Variants in PKP1 observed in about 807,000 individuals in gnomAD.
PKP1 encodes plakophilin-1.
PKP1 carries 27 observed loss-of-function variants against 76.4 expected under a neutral mutation model. The ratio of observed to expected loss-of-function variants is 0.35; its 90% confidence interval spans 0.26 to 0.49. PKP1 has a LOEUF of 0.49. PKP1 is among the 20% of genes least tolerant of loss of function. The pLI is 0.99. For synonymous variants in PKP1, 404 were observed against 384.2 expected (o/e 1.05, Z -0.60); for missense variants, 964 against 955.2 (o/e 1.01, Z -0.12).
chr1:201,325,239 AG>A, intron 11 of PKP1, 112 bp downstream of exon 11: 1 of 1,078,030 alleles, frequency 9.3e-7, no homozygotes, highest in Non-Finnish European at 1.4e-6. Flanking sequence ...CACCAAGGGC[AG>A]GGGGAGCCAG....
intron 2 of PKP1, among the ~76,000 whole-genome samples, chr1:201,308,674 T>C (rs1407707771): frequency 1.3e-5 from 2 of 150,824 alleles, no homozygotes; most frequent in African/African-American, 2.4e-5. Flanking sequence ...GTGGCTGAGG[T>C]CATGGGGCAG....
chr1:201,295,660 G>C (rs1656050120), intron 2 of PKP1, among the ~76,000 whole-genome samples: 1 of 152,188 alleles, frequency 6.6e-6, no homozygotes, highest in Non-Finnish European at 1.5e-5. Flanking sequence ...TTAGGTTCTA[G>C]TCCTAGTTCT....
At chr1:201,294,982 C>T (rs879581490) in intron 2 of PKP1, among the ~76,000 whole-genome samples, 4 of 152,124 alleles carry the variant, frequency 2.6e-5, no homozygotes, top group African/African-American at 4.8e-5. Flanking sequence ...CATTTACTTT[C>T]GCTGATGCAA....
intron 2 of PKP1, among the ~76,000 whole-genome samples, chr1:201,306,785 C>T (rs1656379127): frequency 6.6e-6 from 1 of 152,276 alleles, no homozygotes; most frequent in African/African-American, 2.4e-5. Context: ...TGCCATTCTC[C>T]TGCCTCAGCC....
In PKP1 at chr1:201,332,427, C is replaced by T. The variant is rs1657355275; in HGVS notation, c.*2386C>T. The T allele has an allele frequency of 1.3e-5, 2 of 152,316 alleles. No individual in the cohort carries two copies. The highest frequency in any genetic ancestry group is 6.5e-5 in the Admixed American group (1 of 15,290). 9.4% of individuals were successfully genotyped at this position (152,316 alleles called of 1,614,324 possible). On this transcript the variant is annotated 3_prime_UTR_variant, in exon 14 of 14. Transcript: ENST00000367324. The stretch of plus-strand genomic sequence containing the variant: ...CCGGGCCTCTGACCCAGGCCTGTCA[C>T]TTTGAGAGGGGCAAAACTGAGAGGG...
intron 2 of PKP1, among the ~76,000 whole-genome samples, chr1:201,308,875 G>C (rs1656446235): frequency 6.6e-6 from 1 of 152,188 alleles, no homozygotes; most frequent in African/African-American, 2.4e-5. Context: ...GGCTGGGCAG[G>C]GGCCAGTGGG....
Position 201,324,422 on chromosome 1 carries a change from T to C in PKP1, c.1681-6T>C. ...GCTAGCTCATCATCTACTCCTTCTC[T>C]CTTAGATGTCCAGTGGCATGAGCCA... On this transcript the variant is annotated splice_polypyrimidine_tract_variant and splice_region_variant and intron_variant, in intron 9 of 13. Coordinates refer to ENST00000367324, the MANE Select transcript of PKP1 (RefSeq NM_001005337.3). 1.2e-6 allele frequency: 2 copies of C among 1,614,038 alleles called. No individual in the cohort carries two copies. Among genetic ancestry groups the C allele is most frequent in the African/African-American group, 2.7e-5 (2 of 75,042 alleles).
In PKP1 at chr1:201,316,561, G is replaced by A. The variant is rs1313335960; in HGVS notation, c.710G>A (p.Ser237Asn). ...CTGCCTATTCTTCACAGGATCTGCA[G>A]TGAGGACATCGAGTGCAGTGGGCTG... ...GHSRASSKIC[S>N]EDIECSGLTI... The change falls in exon 4 of 14, where the codon AGT (serine) becomes AAT (asparagine). Residue 237 changes from serine (S) to asparagine (N), a missense_variant. Ser to Asn is a conservative substitution (Grantham distance 46). Coordinates refer to ENST00000367324, the MANE Select transcript of PKP1 (RefSeq NM_001005337.3). The A allele has an allele frequency of 3.7e-6, 6 of 1,607,754 alleles. No individual in the cohort carries two copies. Among genetic ancestry groups the A allele is most frequent in the Non-Finnish European group, 5.1e-6 (6 of 1,177,022 alleles).
intron 1 of PKP1, among the ~76,000 whole-genome samples, chr1:201,292,063 G>A (rs188337879): frequency 4.6e-5 from 7 of 152,340 alleles, no homozygotes; most frequent in African/African-American, 1.4e-4. Flanking sequence ...GCTCATAGGC[G>A]GATGGCCCTT....
At chr1:201,310,319 A>G (rs1656508996) in intron 2 of PKP1, among the ~76,000 whole-genome samples, 1 of 152,252 alleles carries the variant, frequency 6.6e-6, no homozygotes, top group African/African-American at 2.4e-5. Flanking sequence ...TACTAGTTTT[A>G]CAGATGGAAA....
intron 8 of PKP1, 94 bp downstream of exon 8, chr1:201,322,227 G>A: frequency 7.1e-7 from 1 of 1,412,710 alleles, no homozygotes; most frequent in East Asian, 2.3e-5. Flanking sequence ...CCCTCCTGGA[G>A]CCTGAAGCCA....
intron 8 of PKP1, among the ~76,000 whole-genome samples, chr1:201,322,705 A>G (rs1656984670): frequency 6.6e-6 from 1 of 152,162 alleles, no homozygotes; most frequent in Admixed American, 6.5e-5. Context: ...AGCCCCACAT[A>G]TCTGGAAGGT....
At chr1:201,330,023 G>A (rs1289793784) in intron 13 of PKP1, 51 bp from the exon 14 acceptor site, 1 of 152,210 alleles carries the variant, frequency 6.6e-6, no homozygotes, top group Non-Finnish European at 1.5e-5. Flanking sequence ...GGCTTGTGGT[G>A]TGGAAACATC....
At chr1:201,327,312 G>A (rs1328655860) in intron 12 of PKP1, among the ~76,000 whole-genome samples, 1 of 152,170 alleles carries the variant, frequency 6.6e-6, no homozygotes, top group African/African-American at 2.4e-5. Context: ...GAGCAGCGTG[G>A]GGCAGAAGGA....
Position 201,313,488 on chromosome 1 carries a change from A to G in PKP1, c.629A>G (p.Gln210Arg), listed in dbSNP as rs1656630998. 1 of 1,613,782 alleles carries G rather than the reference A, an allele frequency of 6.2e-7. No homozygotes were observed. The highest frequency in any genetic ancestry group is 8.5e-7 in the Non-Finnish European group (1 of 1,179,998). The change falls in exon 3 of 14, where the codon CAG becomes CGG. Residue 210 changes from glutamine to arginine, a missense_variant. Transcript: ENST00000367324. ...CGCCCGCCCTCTTGTGCCTCCAAGC[A>G]GGACCCTGTGTATATCCCGCCCATC... is the stretch of plus-strand genomic sequence containing the variant. ...PVRPPSCASKQDPVYIPPISC... is the reference protein window; with the variant it reads ...PVRPPSCASKRDPVYIPPISC...
chr1:201,296,221 G>T (rs1308063075), intron 2 of PKP1, among the ~76,000 whole-genome samples: 8 of 152,212 alleles, frequency 5.3e-5, no homozygotes, highest in Non-Finnish European at 1.0e-4. Context: ...AAGTAGGGAG[G>T]AAGTGGAATA....
chr1:201,283,588 G>C lies in PKP1; in HGVS notation c.-115G>C. ...CACGCGGACCACGCACTCTATGGCCGTAGGGAGCCGCTGAGAGCGAGAAGA... is the reference window on the plus strand; with the variant it reads ...CACGCGGACCACGCACTCTATGGCCCTAGGGAGCCGCTGAGAGCGAGAAGA... On this transcript the variant is annotated 5_prime_UTR_variant, in exon 1 of 14. Transcript: ENST00000367324. The C allele has an allele frequency of 2.2e-6, 2 of 926,454 alleles. No individual in the cohort carries two copies. Among genetic ancestry groups the C allele is most frequent in the South Asian group, 1.4e-5 (1 of 71,090 alleles). The allele number at this position is 926,454 out of a possible 1,614,324, so 57.4% of individuals were successfully genotyped here. A position where few individuals can be genotyped will look rare whatever the true frequency, so the allele number is the denominator to read the frequency against.
At chr1:201,292,274 A>G (rs1260427701) in intron 1 of PKP1, among the ~76,000 whole-genome samples, 1 of 152,154 alleles carries the variant, frequency 6.6e-6, no homozygotes, top group East Asian at 1.9e-4. Flanking sequence ...AGGGCAGTGG[A>G]ACTGTACGGG....
chr1:201,285,247 CACACACACACACACACA>C (rs1655694358), intron 1 of PKP1, among the ~76,000 whole-genome samples: 1 of 151,548 alleles, frequency 6.6e-6, no homozygotes, highest in African/African-American at 2.4e-5. Context: ...CACACACACA[CACACACACACACACACA>C]CCTCACACTT....
Sources: allele counts gnomAD v4.1 joint callset (sites outside exome capture counted in the v4.1 genomes callset), GRCh38; gene constraint gnomAD v4.1.1; transcripts MANE v1.5; gene names NCBI Gene and HGNC (gene_info 2026-07-23, HGNC 2026-07-21).